The following THSD7A variants were observed in gnomAD, a reference collection of about 807,000 sequenced individuals.
THSD7A encodes the protein thrombospondin type 1 domain containing 7A.
Under a neutral mutation model 231.3 loss-of-function variants are expected in THSD7A, and 96 were observed. That is an observed-to-expected ratio of 0.41 (90% CI 0.35 to 0.49). THSD7A has a LOEUF of 0.49. Among genes scored for constraint, THSD7A ranks in the 20% least tolerant of loss-of-function variants. The pLI is 0.05. For missense variants in THSD7A, 2,290 were observed against 2,070.2 expected (o/e 1.11, Z -2.06); for synonymous variants, 940 against 743.3 (o/e 1.26, Z -4.30).
chr7:11,782,037 G>T (rs1399063402), intron 1 of THSD7A, among the ~76,000 whole-genome samples: 1 of 151,996 alleles, frequency 6.6e-6, no homozygotes, highest in Non-Finnish European at 1.5e-5. Flanking sequence ...GAAAATGTTT[G>T]CAGACATTAA....
chr7:11,423,395 G>A (rs1043677953), intron 16 of THSD7A, among the ~76,000 whole-genome samples: 1 of 145,486 alleles, frequency 6.9e-6, no homozygotes, highest in Admixed American at 6.9e-5. Flanking sequence ...TTGAGATGGA[G>A]TCTCGCTCTG....
intron 6 of THSD7A, among the ~76,000 whole-genome samples, chr7:11,487,916 TC>T (rs1187425541): frequency 6.6e-6 from 1 of 150,994 alleles, no homozygotes; most frequent in Admixed American, 6.6e-5. Context: ...TCTAAACGCC[TC>T]TTGAGTTATC....
At chr7:11,567,919 C>T (rs1790433689) in intron 4 of THSD7A, among the ~76,000 whole-genome samples, 1 of 152,122 alleles carries the variant, frequency 6.6e-6, no homozygotes. Context: ...TAAACTATCT[C>T]ACCTAATTTT....
intron 16 of THSD7A, 114 bp downstream of exon 16, chr7:11,424,581 AC>A: frequency 6.9e-7 from 1 of 1,450,720 alleles, no homozygotes; most frequent in Non-Finnish European, 9.3e-7. Context: ...TAAAAGCAAA[AC>A]TGCAGACAAT....
At chr7:11,459,441 A>G (rs1245749662) in intron 11 of THSD7A, among the ~76,000 whole-genome samples, 1 of 152,110 alleles carries the variant, frequency 6.6e-6, no homozygotes, top group Non-Finnish European at 1.5e-5. Flanking sequence ...ATGATTTGAA[A>G]TGGAGGAGAA....
chr7:11,734,643 C>T (rs935608713), intron 1 of THSD7A, among the ~76,000 whole-genome samples: 1 of 151,908 alleles, frequency 6.6e-6, no homozygotes, highest in African/African-American at 2.4e-5. Flanking sequence ...TGTCTTAGAA[C>T]ATTGTTAATG....
chr7:11,609,723 C>T (rs1780859197), intron 2 of THSD7A, among the ~76,000 whole-genome samples: 1 of 152,156 alleles, frequency 6.6e-6, no homozygotes, highest in Non-Finnish European at 1.5e-5. Context: ...CCTAGATACT[C>T]ATCACAGATC....
At chr7:11,429,663 C>G (rs577682490) in intron 13 of THSD7A, among the ~76,000 whole-genome samples, 1 of 152,302 alleles carries the variant, frequency 6.6e-6, no homozygotes, top group East Asian at 1.9e-4. Context: ...AGTAATGTCT[C>G]ATGTTTTACA....
chr7:11,659,449 A>G (rs901878949), intron 1 of THSD7A, among the ~76,000 whole-genome samples: 1 of 151,492 alleles, frequency 6.6e-6, no homozygotes, highest in Admixed American at 6.6e-5. Context: ...TTCACTCTGT[A>G]AACTTATATT....
intron 13 of THSD7A, among the ~76,000 whole-genome samples, chr7:11,435,256 A>G (rs1784597871): frequency 6.6e-6 from 1 of 152,092 alleles, no homozygotes; most frequent in Admixed American, 6.6e-5. Context: ...TTGTATAATA[A>G]AGAATTTGCC....
intron 4 of THSD7A, among the ~76,000 whole-genome samples, chr7:11,563,568 G>A (rs1443707476): frequency 6.6e-6 from 1 of 152,018 alleles, no homozygotes; most frequent in East Asian, 1.9e-4. Context: ...CACCATGTTG[G>A]CCAGGCTGGT....
intron 17 of THSD7A, among the ~76,000 whole-genome samples, chr7:11,415,544 C>T (rs576950322): frequency 4.6e-4 from 70 of 152,220 alleles, no homozygotes; most frequent in African/African-American, 1.6e-3. Context: ...TTCCACCTAC[C>T]GAGAGATGCC....
chr7:11,769,583 T>C (rs941395677), intron 1 of THSD7A, among the ~76,000 whole-genome samples: 4 of 152,142 alleles, frequency 2.6e-5, no homozygotes, highest in African/African-American at 9.7e-5. Context: ...TCTGATTATG[T>C]TTATCTAGAA....
intron 1 of THSD7A, among the ~76,000 whole-genome samples, chr7:11,655,257 G>C (rs1216742646): frequency 6.6e-6 from 1 of 151,832 alleles, no homozygotes; most frequent in Non-Finnish European, 1.5e-5. Context: ...TTTAGAATCT[G>C]TGATTTGTTA....
intron 4 of THSD7A, among the ~76,000 whole-genome samples, chr7:11,588,056 T>G (rs765373425): frequency 6.6e-6 from 1 of 152,196 alleles, no homozygotes; most frequent in African/African-American, 2.4e-5. Flanking sequence ...TACACAGTCA[T>G]GGATTCTTGA....
Position 11,481,799 on chromosome 7 carries a change from G to T in THSD7A, c.2006C>A (p.Ala669Glu), listed in dbSNP as rs765150649. The change falls in exon 7 of 28, where the codon GCG becomes GAG. Residue 669 changes from alanine (A) to glutamate (E), a missense_variant. Physicochemically the swap from Ala to Glu is moderately radical, Grantham distance 107. Coordinates refer to ENST00000423059, the MANE Select transcript of THSD7A (RefSeq NM_015204.3). The stretch of plus-strand genomic sequence containing the variant: ...AGCTGGCGACTCACCTTCTTCACCC[G>T]CATAGGCCAGAATGGATCGTGCTCG... ...QIRARSILAY[A>E]GEEGGIRCPN... 6.2e-7 allele frequency: 1 copy of T among 1,605,158 alleles called. No homozygotes were observed.
Position 11,474,505 on chromosome 7 carries a change from C to T in THSD7A, c.2081G>A (p.Cys694Tyr), listed in dbSNP as rs1786075189. 6.2e-7 allele frequency: 1 copy of T among 1,612,780 alleles called. No homozygotes were observed. Among genetic ancestry groups the T allele is most frequent in the Non-Finnish European group, 8.5e-7 (1 of 1,179,104 alleles). ...ACCAGTTTGCCAGTGGTACACTGTG[C>T]AAGGATGCTCATTACAGCTTCGTAC... ...QEVRSCNEHP[C>Y]TVYHWQTGPW... The change falls in exon 8 of 28, where the codon TGC (cysteine) becomes TAC (tyrosine). Residue 694 changes from cysteine (C) to tyrosine (Y), a missense_variant. Transcript: ENST00000423059. The surrounding 1 kb of genome is among the most constrained non-coding windows in gnomAD (Gnocchi z 4.1).
chr7:11,424,613 G>A, intron 16 of THSD7A, 83 bp downstream of exon 16: 1 of 1,559,782 alleles, frequency 6.4e-7, no homozygotes, highest in Non-Finnish European at 8.7e-7. Context: ...AGACTGGGGA[G>A]GAGTGAACAG....
At chr7:11,574,804 C>A (rs1790816350) in intron 4 of THSD7A, among the ~76,000 whole-genome samples, 2 of 152,070 alleles carry the variant, frequency 1.3e-5, no homozygotes, top group Admixed American at 6.5e-5. Flanking sequence ...CTTAATAGAC[C>A]ATTAGCTATA....
Sources: gnomAD v4.1 joint callset for allele counts (sites outside exome capture counted in the v4.1 genomes callset) on GRCh38, gnomAD v4.1.1 for gene constraint, Gnocchi (gnomAD v3.1) non-coding constraint, MANE v1.5 for transcripts, NCBI Gene and HGNC (gene_info 2026-07-23, HGNC 2026-07-21) for gene names.